The following XRCC5 variants were observed in gnomAD, a reference collection of about 807,000 sequenced individuals.
The protein encoded by XRCC5 is DNA repair protein Ku80.
Under a neutral mutation model 95.7 loss-of-function variants are expected in XRCC5, and 12 were observed. That is an observed-to-expected ratio of 0.13 (90% CI 0.08 to 0.20). The LOEUF is 0.20. XRCC5 is among the 10% of genes least tolerant of loss of function. The pLI, the probability that XRCC5 is intolerant of heterozygous loss-of-function variation, is 1.00. For missense variants in XRCC5, 595 were observed against 873.9 expected, an observed-to-expected ratio of 0.68 and a Z score of 4.02; for synonymous variants, 281 against 290.3, an observed-to-expected ratio of 0.97 and a Z score of 0.33.
chr2:216,179,152 G>A (rs1174924417), intron 16 of XRCC5, among the ~76,000 whole-genome samples: 1 of 152,172 alleles, frequency 6.6e-6, no homozygotes, highest in African/African-American at 2.4e-5. Flanking sequence ...GAGGTATGGG[G>A]GAGAATCTGT....
At chr2:216,113,856 C>T (rs527424255) in intron 2 of XRCC5, among the ~76,000 whole-genome samples, 9 of 152,180 alleles carry the variant, frequency 5.9e-5, no homozygotes, top group Non-Finnish European at 1.3e-4. Flanking sequence ...CTATGAGACC[C>T]TGCCTATGTG....
chr2:216,138,044 A>G (rs1013264939), intron 11 of XRCC5, 45 bp from the exon 12 acceptor site: 1 of 1,494,382 alleles, frequency 6.7e-7, no homozygotes. Context: ...ATATTTTTTC[A>G]TTAATTTCAT....
At chr2:216,115,628 C>T (rs1696682392) in intron 2 of XRCC5, among the ~76,000 whole-genome samples, 1 of 151,936 alleles carries the variant, frequency 6.6e-6, no homozygotes. Context: ...GCACTCTTCC[C>T]CATCAATGTA....
chr2:216,184,138 C>T (rs1434239638), intron 16 of XRCC5, among the ~76,000 whole-genome samples: 1 of 151,274 alleles, frequency 6.6e-6, no homozygotes, highest in Non-Finnish European at 1.5e-5. Flanking sequence ...GTACGTTTGA[C>T]TTCTGAGAGG....
chr2:216,200,108 T>G (rs887683023), intron 19 of XRCC5, among the ~76,000 whole-genome samples: 4 of 152,226 alleles, frequency 2.6e-5, no homozygotes, highest in African/African-American at 9.6e-5. Context: ...GCCAGCAGAA[T>G]TGACTGGAAT....
At chr2:216,148,448 T>C (rs1387780011) in intron 14 of XRCC5, among the ~76,000 whole-genome samples, 172 bp downstream of exon 14, 1 of 152,262 alleles carries the variant, frequency 6.6e-6, no homozygotes, top group Non-Finnish European at 1.5e-5. Flanking sequence ...ATCTGTCTGC[T>C]GTGATCATAT....
intron 8 of XRCC5, 164 bp downstream of exon 8, chr2:216,127,838 G>T: frequency 1.4e-6 from 1 of 721,846 alleles, no homozygotes; most frequent in Non-Finnish European, 2.0e-6. Flanking sequence ...TAGCTCATTT[G>T]TTGGGTCTTA....
intron 6 of XRCC5, among the ~76,000 whole-genome samples, chr2:216,123,134 A>C (rs1182051823): frequency 2.0e-5 from 3 of 152,226 alleles, no homozygotes; most frequent in Non-Finnish European, 4.4e-5. Context: ...CCAGCTTATC[A>C]GTCTGTACAC....
rs1697063042 is a variant in XRCC5 at position 216,135,676 on chromosome 2, A to G, written c.1114-1412A>G. 2.0e-5 allele frequency among the ~76,000 whole-genome samples: 3 copies of G among 151,906 alleles called. No individual in the cohort carries two copies. In the South Asian group the frequency reaches 6.2e-4, roughly 32 times the overall value. On this transcript the variant is annotated intron_variant, in intron 10 of 20. Coordinates refer to ENST00000392132, the MANE Select transcript of XRCC5 (RefSeq NM_021141.4). Reference sequence around the variant, plus strand: ...TAGCTGGGCATGGTGGCGCGTGCCTATAATTCCAGCTACTCGGGAGGCTGA... The same window carrying G: ...TAGCTGGGCATGGTGGCGCGTGCCTGTAATTCCAGCTACTCGGGAGGCTGA...
At chr2:216,159,793 G>A (rs1688915010) in intron 14 of XRCC5, among the ~76,000 whole-genome samples, 1 of 152,162 alleles carries the variant, frequency 6.6e-6, no homozygotes, top group Non-Finnish European at 1.5e-5. Context: ...CTTATGATGT[G>A]ATTGCTTAAT....
intron 8 of XRCC5, 28 bp from the exon 9 acceptor site, chr2:216,130,847 T>TA (rs780893342): frequency 6.5e-7 from 1 of 1,538,492 alleles, no homozygotes; most frequent in African/African-American, 1.4e-5. Context: ...CCCATATGCT[T>TA]AACAGATGCT....
In XRCC5 at chr2:216,120,162, T is replaced by C. The variant is rs1185611127; in HGVS notation, c.491+997T>C. Reference sequence around the variant, plus strand: ...CCCATCAAACCAATACTTGTTAAGATGGTACTTCAGAGAAATTAAGTGCTT... The same window carrying C: ...CCCATCAAACCAATACTTGTTAAGACGGTACTTCAGAGAAATTAAGTGCTT... On this transcript the variant is annotated intron_variant, in intron 5 of 20. Coordinates refer to ENST00000392132, the MANE Select transcript of XRCC5 (RefSeq NM_021141.4). Among the ~76,000 whole-genome samples, 3 of 152,340 alleles carry C rather than the reference T, an allele frequency of 2.0e-5. No homozygotes were observed. The East Asian group carries it at 5.8e-4, about 29-fold the overall frequency.
intron 16 of XRCC5, among the ~76,000 whole-genome samples, chr2:216,182,585 A>AC (rs1250078197): frequency 2.6e-5 from 4 of 151,998 alleles, no homozygotes; most frequent in African/African-American, 7.3e-5. Context: ...CCTAGTCTTC[A>AC]CCCCCCACCA....
chr2:216,149,461 A>G (rs1250243918), intron 14 of XRCC5, among the ~76,000 whole-genome samples: 1 of 152,174 alleles, frequency 6.6e-6, no homozygotes, highest in Non-Finnish European at 1.5e-5. Context: ...GTTCTACACA[A>G]GAAGACTGTC....
intron 16 of XRCC5, among the ~76,000 whole-genome samples, chr2:216,181,033 G>A (rs1689375485): frequency 6.6e-6 from 1 of 151,876 alleles, no homozygotes; most frequent in Admixed American, 6.6e-5. Flanking sequence ...GGCTGGTCTC[G>A]AACTCCCGAC....
intron 16 of XRCC5, 65 bp from the exon 17 acceptor site, chr2:216,190,160 C>T: frequency 7.1e-7 from 1 of 1,408,496 alleles, no homozygotes; most frequent in Non-Finnish European, 9.9e-7. Flanking sequence ...TAGGCACAAA[C>T]ACAGAAGCAT....
At chr2:216,136,544 A>G (rs1697083409) in intron 10 of XRCC5, among the ~76,000 whole-genome samples, 1 of 152,130 alleles carries the variant, frequency 6.6e-6, no homozygotes, top group South Asian at 2.1e-4. Context: ...GCCATGAAGG[A>G]GAAAGTATAT....
At chr2:216,109,518 G>T in intron 1 of XRCC5, 61 bp downstream of exon 1, 2 of 1,606,354 alleles carry the variant, frequency 1.2e-6, no homozygotes, top group South Asian at 1.1e-5. Context: ...AGGGTGGTTC[G>T]GAAGCAGGAA....
rs140171958 is a variant in XRCC5 at position 216,187,466 on chromosome 2, CTGTGTGTGTGTGTGTGTGTGTGTG to C, written c.1835-2727_1835-2704del. Among the ~76,000 whole-genome samples the C allele has an allele frequency of 5.3e-4, 59 of 111,382 alleles. No individual in the cohort carries two copies. The South Asian group carries it at 7.6e-3, about 14-fold the overall frequency. The allele number at this position is 111,382 out of a possible 152,430, so 73.1% of individuals were successfully genotyped here. On this transcript the variant is annotated intron_variant, in intron 16 of 20. Transcript: ENST00000392132. The stretch of plus-strand genomic sequence containing the variant: ...AATATTTTTCTCTGTAAGATAGCAA[CTGTGTGTGTGTGTGTGTGTGTGTG>C]TGTGTGTGTGTGTGTGTGTGTGTGT...
Sources: allele counts gnomAD v4.1 joint callset (sites outside exome capture counted in the v4.1 genomes callset), GRCh38; gene constraint gnomAD v4.1.1; transcripts MANE v1.5; gene names NCBI Gene and HGNC (gene_info 2026-07-23, HGNC 2026-07-21).